RRP15: variants seen among roughly 807,000 people sequenced by gnomAD.
RRP15 encodes ribosomal RNA processing 15 homolog.
A neutral mutation model predicts 27.1 loss-of-function variants in RRP15; 18 were observed. The ratio of observed to expected loss-of-function variants is 0.66; its 90% CI spans 0.46 to 0.98. The LOEUF is 0.98. RRP15 is among the 50% of genes least tolerant of loss of function. The probability of loss-of-function intolerance (pLI) is 0.00; values close to 1 mark genes in which losing one functional copy is unlikely to be tolerated. For missense variants in RRP15, 359 were observed against 337.8 expected (o/e 1.06, Z -0.49); for synonymous variants, 107 against 109.4 (o/e 0.98, Z 0.14).
intron 1 of RRP15, among the ~76,000 whole-genome samples, chr1:218,299,051 T>A (rs910247401): frequency 2.6e-5 from 4 of 152,214 alleles, no homozygotes; most frequent in Non-Finnish European, 4.4e-5. Context: ...AAAATTTTTT[T>A]AAAAACCTCA....
chr1:218,285,486 G>A, intron 1 of RRP15, 31 bp downstream of exon 1: 1 of 1,612,268 alleles, frequency 6.2e-7, no homozygotes, highest in Non-Finnish European at 8.5e-7. Context: ...TTTGGTGTCT[G>A]GGAGGAAAGG....
At chr1:218,304,936 T>A in intron 2 of RRP15, 92 bp from the exon 3 acceptor site, 2 of 1,168,924 alleles carry the variant, frequency 1.7e-6, no homozygotes, top group Non-Finnish European at 2.5e-6. Context: ...AATGATTTAT[T>A]ACCTTCACCC....
intron 4 of RRP15, among the ~76,000 whole-genome samples, chr1:218,308,589 G>A (rs1392720403): frequency 3.3e-5 from 5 of 152,164 alleles, no homozygotes; most frequent in African/African-American, 1.2e-4. Context: ...TGAAACCCGA[G>A]CAAGAAGAGC....
At chr1:218,288,722 A>G (rs1655588839) in intron 1 of RRP15, among the ~76,000 whole-genome samples, 1 of 152,354 alleles carries the variant, frequency 6.6e-6, no homozygotes, top group East Asian at 1.9e-4. Context: ...TTTGAATCTA[A>G]GGAAAGAAAG....
chr1:218,334,789 T>A lies in RRP15; in HGVS notation c.*3698T>A, dbSNP rs957780174. 7 of 152,172 alleles carry A rather than the reference T, an allele frequency of 4.6e-5. No homozygotes were observed. The highest frequency in any genetic ancestry group is 1.7e-4 in the African/African-American group (7 of 41,444). The allele number at this position is 152,172 out of a possible 1,614,324, so 9.4% of individuals were successfully genotyped here. A position where few individuals can be genotyped will look rare whatever the true frequency, so the allele number is the denominator to read the frequency against. On this transcript the variant is annotated 3_prime_UTR_variant, in exon 5 of 5. Coordinates refer to ENST00000366932, the MANE Select transcript of RRP15 (RefSeq NM_016052.4). Reference sequence around the variant, plus strand: ...AGGTGAATTGGCAGTGAGAGCAAATTTTGGAAACAGGAGAGAGAACTACTT... The same window carrying A: ...AGGTGAATTGGCAGTGAGAGCAAATATTGGAAACAGGAGAGAGAACTACTT...
intron 1 of RRP15, among the ~76,000 whole-genome samples, chr1:218,286,832 AG>A (rs1367169005): frequency 1.3e-5 from 2 of 152,242 alleles, no homozygotes. Flanking sequence ...GGCCAAAATT[AG>A]AACTTCTGGT....
chr1:218,292,311 A>G (rs138557411), intron 1 of RRP15, among the ~76,000 whole-genome samples: 1 of 152,312 alleles, frequency 6.6e-6, no homozygotes, highest in Non-Finnish European at 1.5e-5. Context: ...TATTCAACAC[A>G]TATTTTCTCT....
At chr1:218,295,660 C>T (rs1272865816) in intron 1 of RRP15, among the ~76,000 whole-genome samples, 2 of 152,168 alleles carry the variant, frequency 1.3e-5, no homozygotes, top group African/African-American at 2.4e-5. Flanking sequence ...TTATAGCCTC[C>T]TTTATCATTT....
At chr1:218,312,607 A>G (rs7543555) in intron 4 of RRP15, among the ~76,000 whole-genome samples, 41,132 of 152,032 alleles carry the variant, frequency 0.27, 6,319 homozygotes, top group East Asian at 0.4. Context: ...TTTAGAAACA[A>G]GAAGAGGAAC....
At chr1:218,324,239 G>T (rs1656235148) in intron 4 of RRP15, among the ~76,000 whole-genome samples, 1 of 152,166 alleles carries the variant, frequency 6.6e-6, no homozygotes, top group Non-Finnish European at 1.5e-5. Flanking sequence ...AGCAGCAGCT[G>T]CAGGGGAGGT....
chr1:218,331,511 T>C lies in RRP15; in HGVS notation c.*420T>C, dbSNP rs1341954917. Reference sequence around the variant, plus strand: ...TGTATCTGTAGTTTTTGGGAATGGTTGGTGTTTTTTGCTTTGTGTTGGGAA... The same window carrying C: ...TGTATCTGTAGTTTTTGGGAATGGTCGGTGTTTTTTGCTTTGTGTTGGGAA... On this transcript the variant is annotated 3_prime_UTR_variant, in exon 5 of 5. Coordinates refer to ENST00000366932, the MANE Select transcript of RRP15 (RefSeq NM_016052.4). 1 of 152,250 alleles carries C rather than the reference T, an allele frequency of 6.6e-6. No homozygotes were observed. Among genetic ancestry groups the C allele is most frequent in the Non-Finnish European group, 1.5e-5 (1 of 68,176 alleles). The allele number at this position is 152,250 out of a possible 1,614,324, so 9.4% of individuals were successfully genotyped here.
At chr1:218,323,402 G>A (rs1656219298) in intron 4 of RRP15, among the ~76,000 whole-genome samples, 1 of 152,180 alleles carries the variant, frequency 6.6e-6, no homozygotes, top group Non-Finnish European at 1.5e-5. Flanking sequence ...GCAGCTGGTG[G>A]TCTTGTTGTC....
chr1:218,324,275 C>T (rs557330101), intron 4 of RRP15, among the ~76,000 whole-genome samples: 1 of 152,326 alleles, frequency 6.6e-6, no homozygotes, highest in South Asian at 2.1e-4. Flanking sequence ...CCTGCCAACC[C>T]CGCACAAATG....
At position 218,332,856 on chromosome 1, in the gene RRP15, A is replaced by T. The variant is rs1273122236; in HGVS notation, c.*1765A>T. 6.6e-6 allele frequency: 1 copy of T among 151,270 alleles called. No homozygotes were observed. Among genetic ancestry groups the T allele is most frequent in the Non-Finnish European group, 1.5e-5 (1 of 67,850 alleles). The allele number at this position is 151,270 out of a possible 1,614,324, so 9.4% of individuals were successfully genotyped here. A position where few individuals can be genotyped will look rare whatever the true frequency, so the allele number is the denominator to read the frequency against. On this transcript the variant is annotated 3_prime_UTR_variant, in exon 5 of 5. Coordinates refer to ENST00000366932, the MANE Select transcript of RRP15 (RefSeq NM_016052.4). ...TACATATTTCAATATGACTTAACAA[A>T]CACACAATTTTGAAAAAAAAAAAAA...
At chr1:218,290,042 T>G in intron 1 of RRP15, among the ~76,000 whole-genome samples, 1 of 152,218 alleles carries the variant, frequency 6.6e-6, no homozygotes, top group African/African-American at 2.4e-5. Context: ...GGCCTGTCAT[T>G]GCAGCCTTAC....
intron 1 of RRP15, among the ~76,000 whole-genome samples, chr1:218,297,818 CT>C (rs1655744569): frequency 6.6e-6 from 1 of 152,116 alleles, no homozygotes; most frequent in Non-Finnish European, 1.5e-5. Flanking sequence ...GCTATTTGGC[CT>C]TTTATTGGAA....
At chr1:218,314,367 AT>A (rs536573718) in intron 4 of RRP15, among the ~76,000 whole-genome samples, 107 of 151,994 alleles carry the variant, frequency 7.0e-4, no homozygotes, top group Middle Eastern at 3.4e-3. Context: ...AGAGGCATTA[AT>A]TTTTTTTCTT....
At chr1:218,318,204 T>C (rs1051185490) in intron 4 of RRP15, among the ~76,000 whole-genome samples, 1 of 152,154 alleles carries the variant, frequency 6.6e-6, no homozygotes, top group Admixed American at 6.5e-5. Context: ...TATTTGAAAG[T>C]ATTACCCCCA....
intron 4 of RRP15, among the ~76,000 whole-genome samples, chr1:218,314,939 C>G (rs1457021722): frequency 1.4e-5 from 2 of 146,062 alleles, no homozygotes; most frequent in Non-Finnish European, 3.0e-5. Context: ...TAGCAGTGTG[C>G]TGAGATTGCG....
Sources: allele counts gnomAD v4.1 joint callset (sites outside exome capture counted in the v4.1 genomes callset), GRCh38; gene constraint gnomAD v4.1.1; transcripts MANE v1.5; gene names NCBI Gene and HGNC (gene_info 2026-07-23, HGNC 2026-07-21).